Variants in KCNC2 observed in about 807,000 individuals in gnomAD.
The protein encoded by KCNC2 is potassium voltage-gated channel subfamily C member 2.
In KCNC2, 21 loss-of-function variants were observed where a neutral mutation model predicts 44.5. That is an observed-to-expected ratio of 0.47 (90% confidence interval 0.33 to 0.68). The LOEUF (loss-of-function observed/expected upper bound fraction) is 0.68. KCNC2 is among the 30% of genes least tolerant of loss of function. The probability of loss-of-function intolerance (pLI) is 0.01; values close to 1 mark genes in which losing one functional copy is unlikely to be tolerated. For synonymous variants in KCNC2, 391 were observed against 339.1 expected, an observed-to-expected ratio of 1.15 and a Z score of -1.68; for missense variants, 589 against 826.2, an observed-to-expected ratio of 0.71 and a Z score of 3.52.
intron 2 of KCNC2, among the ~76,000 whole-genome samples, chr12:75,123,238 G>T (rs1351566074): frequency 6.6e-6 from 1 of 152,094 alleles, no homozygotes; most frequent in Non-Finnish European, 1.5e-5. Context: ...AGTTTTTACT[G>T]CATAGATTAA....
At chr12:75,184,067 T>C (rs1892774605) in intron 2 of KCNC2, among the ~76,000 whole-genome samples, 1 of 152,196 alleles carries the variant, frequency 6.6e-6, no homozygotes, top group Admixed American at 6.5e-5. Context: ...AGAATCTCTA[T>C]AAACTTCACT....
chr12:75,174,004 ATCT>A (rs1892007367), intron 2 of KCNC2, among the ~76,000 whole-genome samples: 1 of 151,760 alleles, frequency 6.6e-6, no homozygotes, highest in Non-Finnish European at 1.5e-5. Context: ...TCATTTCTTC[ATCT>A]TCTGATTTTT....
chr12:75,172,126 A>G (rs1219645282), intron 2 of KCNC2, among the ~76,000 whole-genome samples: 1 of 151,828 alleles, frequency 6.6e-6, no homozygotes, highest in Non-Finnish European at 1.5e-5. Flanking sequence ...TTCCATCTAC[A>G]TAGCTCATAC....
At position 75,042,144 on chromosome 12, in the gene KCNC2, GAC is replaced by G; in HGVS notation, c.*959_*960del. On this transcript the variant is annotated 3_prime_UTR_variant, in exon 5 of 5. Transcript: ENST00000549446. ...AAATAAAATAAGGGGGTAAAAAAAA[GAC>G]ACAAGAGCTTTGGGTGATATTTGGC... is the stretch of plus-strand genomic sequence containing the variant. The G allele has an allele frequency of 8.0e-7, 1 of 1,248,382 alleles. No homozygotes were observed. The highest frequency in any genetic ancestry group is 1.0e-6 in the Non-Finnish European group (1 of 992,098). 77.3% of individuals were successfully genotyped at this position (1,248,382 alleles called of 1,614,324 possible). A position where few individuals can be genotyped will look rare whatever the true frequency, so the allele number is the denominator to read the frequency against.
At chr12:75,097,050 G>A (rs894643521) in intron 2 of KCNC2, among the ~76,000 whole-genome samples, 9 of 152,042 alleles carry the variant, frequency 5.9e-5, no homozygotes, top group Non-Finnish European at 1.0e-4. Context: ...CTCTGACACA[G>A]TGGAATGTTA....
At chr12:75,135,073 C>G (rs1421676210) in intron 2 of KCNC2, among the ~76,000 whole-genome samples, 1 of 151,740 alleles carries the variant, frequency 6.6e-6, no homozygotes, top group Non-Finnish European at 1.5e-5. Flanking sequence ...TGTTACATAG[C>G]CCAAGTCACT....
chr12:75,169,191 G>T (rs963018556), intron 2 of KCNC2, among the ~76,000 whole-genome samples: 2 of 151,542 alleles, frequency 1.3e-5, no homozygotes, highest in Admixed American at 6.6e-5. Flanking sequence ...GATTGCCTTT[G>T]TCTGAGGCCT....
At chr12:75,180,923 C>T (rs977023562) in intron 2 of KCNC2, among the ~76,000 whole-genome samples, 4 of 152,048 alleles carry the variant, frequency 2.6e-5, no homozygotes, top group African/African-American at 9.7e-5. Flanking sequence ...ATAACTTATA[C>T]CTTTTCCAAA....
At chr12:75,102,353 A>G (rs772371235) in intron 2 of KCNC2, among the ~76,000 whole-genome samples, 18 of 152,044 alleles carry the variant, frequency 1.2e-4, no homozygotes, top group Non-Finnish European at 2.1e-4. Context: ...ATCACTTAGT[A>G]TAGCATTTCA....
chr12:75,073,050 T>C (rs1025329259), intron 2 of KCNC2, among the ~76,000 whole-genome samples: 1 of 152,164 alleles, frequency 6.6e-6, no homozygotes, highest in Non-Finnish European at 1.5e-5. Flanking sequence ...AATTGAGAAT[T>C]GCAGAACTCA....
intron 2 of KCNC2, among the ~76,000 whole-genome samples, chr12:75,153,986 AT>A (rs1890590386): frequency 1.3e-5 from 2 of 151,886 alleles, no homozygotes; most frequent in South Asian, 4.1e-4. Flanking sequence ...CTGCGTACTT[AT>A]TGAAAAAAAA....
chr12:75,206,609 A>G (rs2031706601), intron 2 of KCNC2, among the ~76,000 whole-genome samples: 1 of 152,212 alleles, frequency 6.6e-6, no homozygotes, highest in African/African-American at 2.4e-5. Context: ...TCAGAGATAC[A>G]GCCCTAAGCA....
chr12:75,088,604 A>G (rs984471014), intron 2 of KCNC2, among the ~76,000 whole-genome samples: 1 of 152,008 alleles, frequency 6.6e-6, no homozygotes, highest in Non-Finnish European at 1.5e-5. Context: ...TAATTTCACA[A>G]GTATTTAAAC....
intron 1 of KCNC2, 133 bp from the exon 2 acceptor site, chr12:75,208,135 G>T (rs1042091844): frequency 7.0e-6 from 7 of 993,436 alleles, no homozygotes; most frequent in South Asian, 3.2e-5. Context: ...GACCCTCCCC[G>T]GGAGGGGATC....
At chr12:75,165,778 C>T (rs1891410294) in intron 2 of KCNC2, among the ~76,000 whole-genome samples, 1 of 151,384 alleles carries the variant, frequency 6.6e-6, no homozygotes, top group Non-Finnish European at 1.5e-5. Flanking sequence ...TATCTATGTA[C>T]ATTTGCCTAA....
chr12:75,137,230 T>C (rs773509572), intron 2 of KCNC2, among the ~76,000 whole-genome samples: 1 of 152,170 alleles, frequency 6.6e-6, no homozygotes, highest in Non-Finnish European at 1.5e-5. Context: ...TTTTGTCTTA[T>C]AAATACCAAC....
intron 2 of KCNC2, among the ~76,000 whole-genome samples, chr12:75,154,253 T>C (rs1270969440): frequency 6.6e-6 from 1 of 152,058 alleles, no homozygotes; most frequent in Non-Finnish European, 1.5e-5. Flanking sequence ...AACTATCACA[T>C]TTGTTGTATC....
intron 2 of KCNC2, among the ~76,000 whole-genome samples, chr12:75,074,965 T>C (rs182432096): frequency 2.0e-5 from 3 of 152,306 alleles, no homozygotes; most frequent in Admixed American, 1.3e-4. Flanking sequence ...ACGAAAGTTT[T>C]CCCGGAATAA....
At chr12:75,142,835 C>A (rs533599950) in intron 2 of KCNC2, among the ~76,000 whole-genome samples, 2 of 152,180 alleles carry the variant, frequency 1.3e-5, no homozygotes, top group East Asian at 3.8e-4. Context: ...TGAGAAGTCA[C>A]ACAGTGACAC....
Sources: gnomAD v4.1 joint callset for allele counts (sites outside exome capture counted in the v4.1 genomes callset) on GRCh38, gnomAD v4.1.1 for gene constraint, MANE v1.5 for transcripts, NCBI Gene and HGNC (gene_info 2026-07-23, HGNC 2026-07-21) for gene names.